TXNRD1: variants seen among roughly 807,000 people sequenced by gnomAD.
TXNRD1 encodes thioredoxin reductase 1, cytoplasmic.
In TXNRD1, 57 loss-of-function variants were observed where a neutral mutation model predicts 80.3. That is an observed-to-expected ratio of 0.71 (90% CI 0.57 to 0.89). The LOEUF is 0.89. Ranked by LOEUF, TXNRD1 falls within the 40% of genes least tolerant of loss-of-function variation. The pLI, the probability that TXNRD1 is intolerant of heterozygous loss-of-function variation, is 0.00. For synonymous variants in TXNRD1, 291 were observed against 285.2 expected (o/e 1.02, Z -0.20); for missense variants, 730 against 803.0 (o/e 0.91, Z 1.10).
intron 2 of TXNRD1, among the ~76,000 whole-genome samples, chr12:104,252,063 C>CAAA (rs60195108): frequency 0.034 from 1,863 of 55,022 alleles, 45 homozygotes; most frequent in African/African-American, 0.11. Flanking sequence ...GACTCCATCT[C>CAAA]AAAAAAAAAA....
intron 14 of TXNRD1, among the ~76,000 whole-genome samples, chr12:104,332,933 A>G (rs1038524686): frequency 1.3e-5 from 2 of 151,548 alleles, no homozygotes; most frequent in African/African-American, 4.8e-5. Context: ...ATGTATATAT[A>G]TATGTGTGTG....
At chr12:104,258,262 C>T (rs2033297501) in intron 3 of TXNRD1, 183 bp downstream of exon 3, 4 of 543,166 alleles carry the variant, frequency 7.4e-6, no homozygotes, top group Admixed American at 4.0e-5. Context: ...TCACCTTTAG[C>T]CTTTACCTAG....
At chr12:104,274,567 C>T (rs924678569) in intron 3 of TXNRD1, among the ~76,000 whole-genome samples, 2 of 151,786 alleles carry the variant, frequency 1.3e-5, no homozygotes, top group East Asian at 1.9e-4. Context: ...GGCGTGGCAG[C>T]GTGCACCTGT....
intron 4 of TXNRD1, among the ~76,000 whole-genome samples, chr12:104,295,119 CT>C (rs2034393265): frequency 6.6e-6 from 1 of 152,194 alleles, no homozygotes; most frequent in South Asian, 2.1e-4. Flanking sequence ...TTATTAGAGT[CT>C]TAGACTGTTA....
chr12:104,310,269 C>A (rs950609117), intron 4 of TXNRD1, among the ~76,000 whole-genome samples: 1 of 152,058 alleles, frequency 6.6e-6, no homozygotes, highest in Admixed American at 6.6e-5. Flanking sequence ...CCTGCCTCAG[C>A]CTCCGGAGTA....
chr12:104,234,102 T>C (rs972939201), intron 1 of TXNRD1, among the ~76,000 whole-genome samples: 5 of 152,234 alleles, frequency 3.3e-5, no homozygotes, highest in Admixed American at 6.5e-5. Flanking sequence ...TATAGCTTGA[T>C]TATAAACTGT....
intron 2 of TXNRD1, among the ~76,000 whole-genome samples, chr12:104,253,340 C>G (rs2033171914): frequency 6.6e-6 from 1 of 152,096 alleles, no homozygotes; most frequent in African/African-American, 2.4e-5. Flanking sequence ...GATAGTGATG[C>G]CTTTCATGTA....
chr12:104,249,874 G>A (rs1485847094), intron 1 of TXNRD1, among the ~76,000 whole-genome samples: 1 of 146,136 alleles, frequency 6.8e-6, no homozygotes, highest in African/African-American at 2.6e-5. Context: ...GGCGGAGCTT[G>A]CAGTGAGGCC....
At chr12:104,273,452 G>A (rs1345085196) in intron 3 of TXNRD1, among the ~76,000 whole-genome samples, 1 of 152,012 alleles carries the variant, frequency 6.6e-6, no homozygotes, top group African/African-American at 2.4e-5. Flanking sequence ...AATTAGCCAG[G>A]CATGGTGGTG....
intron 3 of TXNRD1, among the ~76,000 whole-genome samples, chr12:104,259,805 G>A (rs2033327896): frequency 6.6e-6 from 1 of 151,826 alleles, no homozygotes; most frequent in Non-Finnish European, 1.5e-5. Context: ...TCATTTCTAG[G>A]GTCAGGAGGA....
chr12:104,304,826 A>T (rs758201934), intron 4 of TXNRD1: 1 of 1,613,920 alleles, frequency 6.2e-7, no homozygotes, highest in Non-Finnish European at 8.5e-7. Flanking sequence ...AAATGATTCC[A>T]GTTGCCATGG....
intron 1 of TXNRD1, among the ~76,000 whole-genome samples, chr12:104,220,784 C>T (rs1050927539): frequency 6.6e-6 from 1 of 150,830 alleles, no homozygotes; most frequent in African/African-American, 2.4e-5. Context: ...TGGATTAAAT[C>T]CTTGAAAGAA....
At chr12:104,303,347 A>G (rs2034718712) in intron 4 of TXNRD1, among the ~76,000 whole-genome samples, 1 of 152,212 alleles carries the variant, frequency 6.6e-6, no homozygotes. Flanking sequence ...TCTGCTTTTC[A>G]CGGTCCTTGG....
intron 1 of TXNRD1, among the ~76,000 whole-genome samples, chr12:104,220,813 T>C (rs2032336488): frequency 1.3e-5 from 2 of 151,930 alleles, no homozygotes; most frequent in South Asian, 4.1e-4. Flanking sequence ...AAGGAATTAA[T>C]CTGTTAATGC....
At chr12:104,234,203 TGC>T (rs2032685146) in intron 1 of TXNRD1, among the ~76,000 whole-genome samples, 1 of 152,252 alleles carries the variant, frequency 6.6e-6, no homozygotes, top group African/African-American at 2.4e-5. Flanking sequence ...ACTACCTATT[TGC>T]ATTTTGATGA....
intron 12 of TXNRD1, among the ~76,000 whole-genome samples, chr12:104,326,767 A>AATTTTAGATTTT (rs2035781297): frequency 6.6e-6 from 1 of 151,926 alleles, no homozygotes; most frequent in African/African-American, 2.4e-5. Context: ...TGCCTGGCCC[A>AATTTTAGATTTT]TTATGTCATA....
chr12:104,303,713 C>A, intron 4 of TXNRD1: 1 of 702,464 alleles, frequency 1.4e-6, no homozygotes, highest in Non-Finnish European at 2.2e-6. Flanking sequence ...GGGGGCGGGT[C>A]GCGCCGGGCC....
intron 13 of TXNRD1, among the ~76,000 whole-genome samples, chr12:104,330,612 G>C (rs899372564): frequency 6.6e-6 from 1 of 151,786 alleles, no homozygotes; most frequent in Non-Finnish European, 1.5e-5. Flanking sequence ...TTGAGACGAA[G>C]ACTCACTCTT....
intron 3 of TXNRD1, among the ~76,000 whole-genome samples, chr12:104,279,807 G>C (rs562130119): frequency 1.3e-5 from 2 of 152,232 alleles, no homozygotes; most frequent in African/African-American, 2.4e-5. Flanking sequence ...GCTCACCCCT[G>C]TAATCCCAGC....
Sources: allele counts gnomAD v4.1 joint callset (sites outside exome capture counted in the v4.1 genomes callset), GRCh38; gene constraint gnomAD v4.1.1; transcripts MANE v1.5; gene names NCBI Gene and HGNC (gene_info 2026-07-23, HGNC 2026-07-21).